Variants in RAPGEF1 observed in about 807,000 individuals in gnomAD.
RAPGEF1 encodes the protein Rap guanine nucleotide exchange factor 1.
A neutral mutation model predicts 143.3 loss-of-function variants in RAPGEF1; 33 were observed. The ratio of observed to expected loss-of-function variants is 0.23; its 90% CI spans 0.17 to 0.31. The LOEUF is 0.31. Ranked by LOEUF, RAPGEF1 falls within the 10% of genes least tolerant of loss-of-function variation. The pLI is 1.00. For synonymous variants in RAPGEF1, 629 were observed against 676.5 expected (o/e 0.93, Z 1.09); for missense variants, 1,199 against 1,645.4 (o/e 0.73, Z 4.69).
At chr9:131,702,509 A>G (rs1189354542) in intron 1 of RAPGEF1, among the ~76,000 whole-genome samples, 1 of 152,230 alleles carries the variant, frequency 6.6e-6, no homozygotes, top group Non-Finnish European at 1.5e-5. Context: ...ATAATTCATC[A>G]AAATGGTGTT....
chr9:131,587,177 G>A (rs10901073), intron 22 of RAPGEF1, among the ~76,000 whole-genome samples: 1,114 of 68,074 alleles, frequency 0.016, 75 homozygotes, highest in East Asian at 0.022. Context: ...GCGAGACTCC[G>A]TCTCAAACAC....
chr9:131,614,344 G>C (rs1170634960), intron 12 of RAPGEF1, among the ~76,000 whole-genome samples: 1 of 152,232 alleles, frequency 6.6e-6, no homozygotes, highest in East Asian at 1.9e-4. Context: ...CAGGTGCCGA[G>C]AGCCCCATGG....
chr9:131,594,747 C>T (rs1460452888), intron 17 of RAPGEF1, among the ~76,000 whole-genome samples: 1 of 152,218 alleles, frequency 6.6e-6, no homozygotes, highest in Admixed American at 6.5e-5. Flanking sequence ...CGGCACGGAG[C>T]GTCCTCTCAG....
chr9:131,622,914 T>A (rs1196465993), intron 10 of RAPGEF1, among the ~76,000 whole-genome samples: 3 of 152,092 alleles, frequency 2.0e-5, no homozygotes, highest in Non-Finnish European at 4.4e-5. Flanking sequence ...ATTATAGGCA[T>A]GCACCACCGT....
In RAPGEF1 at chr9:131,730,172, C is replaced by G. The variant is rs1344140041; in HGVS notation, c.61+9598G>C. Among the ~76,000 whole-genome samples, 3 of 107,598 alleles carry G rather than the reference C, an allele frequency of 2.8e-5. No individual in the cohort carries two copies. The Admixed American group carries it at 4.2e-4, about 15-fold the overall frequency. 70.6% of individuals were successfully genotyped at this position (107,598 alleles called of 152,430 possible). On this transcript the variant is annotated intron_variant, in intron 1 of 26. Coordinates refer to ENST00000683357, the MANE Select transcript of RAPGEF1 (RefSeq NM_001377935.1). ...CTGCATCACTGCACCCCAGCCTGGG[C>G]AACAGAGCGAGACTCCCTCTCAAAA... is the stretch of plus-strand genomic sequence containing the variant.
At chr9:131,670,143 T>A (rs1003454759) in intron 1 of RAPGEF1, among the ~76,000 whole-genome samples, 2 of 152,246 alleles carry the variant, frequency 1.3e-5, no homozygotes, top group African/African-American at 4.8e-5. Flanking sequence ...GAATCAGTTC[T>A]GCTTCACACA....
chr9:131,727,085 G>A (rs1589115374), intron 1 of RAPGEF1, among the ~76,000 whole-genome samples: 1 of 151,992 alleles, frequency 6.6e-6, no homozygotes, highest in Admixed American at 6.5e-5. Flanking sequence ...TCACCCATAA[G>A]GGGAAGGTTC....
At chr9:131,680,996 G>C (rs1305508967) in intron 1 of RAPGEF1, among the ~76,000 whole-genome samples, 1 of 152,122 alleles carries the variant, frequency 6.6e-6, no homozygotes, top group Non-Finnish European at 1.5e-5. Flanking sequence ...CAATCCCCCT[G>C]GTGAGTAAGA....
rs534817940 is a variant in RAPGEF1 at position 131,601,957 on chromosome 9, A to C, written c.2501+104T>G. The C allele has an allele frequency of 1.3e-3, 1,004 of 768,744 alleles. 2 individuals are homozygous for C. Among genetic ancestry groups the C allele is most frequent in the Non-Finnish European group, 1.8e-3 (896 of 486,248 alleles). 47.6% of individuals were successfully genotyped at this position (768,744 alleles called of 1,614,324 possible). A position where few individuals can be genotyped will look rare whatever the true frequency, so the allele number is the denominator to read the frequency against. ...AAAGAAGGAAGAGTTTCAACTTGAA[A>C]TACCCTCAGGCCTAGGGGCTAGCTG... On this transcript the variant is annotated intron_variant, in intron 15 of 26. Coordinates refer to ENST00000683357, the MANE Select transcript of RAPGEF1 (RefSeq NM_001377935.1).
chr9:131,596,818 TC>T (rs1955382807), intron 16 of RAPGEF1, among the ~76,000 whole-genome samples: 1 of 152,134 alleles, frequency 6.6e-6, no homozygotes, highest in African/African-American at 2.4e-5. Flanking sequence ...ATGTTCATGT[TC>T]CCCAAAACTG....
In RAPGEF1 at chr9:131,738,134, G is replaced by A. The variant is rs1011912244; in HGVS notation, c.61+1636C>T. Among the ~76,000 whole-genome samples, 4 of 151,580 alleles carry A rather than the reference G, an allele frequency of 2.6e-5. No homozygotes were observed. In the South Asian group the frequency reaches 6.2e-4, roughly 24 times the overall value. The stretch of plus-strand genomic sequence containing the variant: ...CTGGCTGACAGATGATTTCCAATCC[G>A]GTTCATTTTACTTTTCTGTGATTTC... On this transcript the variant is annotated intron_variant, in intron 1 of 26. Coordinates refer to ENST00000683357, the MANE Select transcript of RAPGEF1 (RefSeq NM_001377935.1).
In RAPGEF1 at chr9:131,702,012, C is replaced by T. The variant is rs147192908; in HGVS notation, c.61+37758G>A. Reference sequence around the variant, plus strand: ...ATGGCCTTGTCCGTTCTATTCACTCCAACGCCCTGACGTTCTACACTAGTT... The same window carrying T: ...ATGGCCTTGTCCGTTCTATTCACTCTAACGCCCTGACGTTCTACACTAGTT... On this transcript the variant is annotated intron_variant, in intron 1 of 26. Coordinates refer to ENST00000683357, the MANE Select transcript of RAPGEF1 (RefSeq NM_001377935.1). 2.9e-3 allele frequency among the ~76,000 whole-genome samples: 443 copies of T among 152,284 alleles called. 1 individual carries two copies. Among genetic ancestry groups the T allele is most frequent in the African/African-American group, 0.01 (434 of 41,540 alleles).
chr9:131,611,942 A>G (rs772355305), intron 12 of RAPGEF1, among the ~76,000 whole-genome samples: 1 of 152,278 alleles, frequency 6.6e-6, no homozygotes, highest in Middle Eastern at 3.4e-3. Flanking sequence ...CTGGATTCCA[A>G]CCCTGGCTCT....
chr9:131,704,067 A>C (rs190655145), intron 1 of RAPGEF1, among the ~76,000 whole-genome samples: 2 of 152,166 alleles, frequency 1.3e-5, no homozygotes, highest in African/African-American at 4.8e-5. Context: ...TTTAGTGCTC[A>C]CGGTAGTCCT....
At chr9:131,642,847 G>T (rs1968422296) in intron 4 of RAPGEF1, among the ~76,000 whole-genome samples, 1 of 152,198 alleles carries the variant, frequency 6.6e-6, no homozygotes, top group South Asian at 2.1e-4. Flanking sequence ...CTCTGGCGAT[G>T]AGTGGAAACA....
chr9:131,725,796 T>C (rs1028397897), intron 1 of RAPGEF1, among the ~76,000 whole-genome samples: 1 of 149,628 alleles, frequency 6.7e-6, no homozygotes, highest in African/African-American at 2.5e-5. Context: ...TCTTGCTCTG[T>C]CACCCAGGCT....
At chr9:131,738,309 A>G (rs573399245) in intron 1 of RAPGEF1, among the ~76,000 whole-genome samples, 1 of 152,252 alleles carries the variant, frequency 6.6e-6, no homozygotes, top group Admixed American at 6.5e-5. Flanking sequence ...TTTAAAATAA[A>G]TTATCCAAGT....
intron 1 of RAPGEF1, among the ~76,000 whole-genome samples, chr9:131,730,530 A>G (rs1413767209): frequency 1.3e-5 from 2 of 151,396 alleles, no homozygotes; most frequent in Non-Finnish European, 1.5e-5. Flanking sequence ...CCCCATCTCT[A>G]CTAAAAATAC....
At chr9:131,637,023 C>T (rs184436119) in intron 5 of RAPGEF1, among the ~76,000 whole-genome samples, 117 of 152,020 alleles carry the variant, frequency 7.7e-4, no homozygotes, top group Middle Eastern at 3.4e-3. Context: ...GTCAGGAGTT[C>T]GAGACCAGCC....
Sources: gnomAD v4.1 joint callset for allele counts (sites outside exome capture counted in the v4.1 genomes callset) on GRCh38, gnomAD v4.1.1 for gene constraint, MANE v1.5 for transcripts, NCBI Gene and HGNC (gene_info 2026-07-23, HGNC 2026-07-21) for gene names.